MSRA: variants seen among roughly 807,000 people sequenced by gnomAD.
MSRA encodes the protein methionine sulfoxide reductase A.
A neutral mutation model predicts 31.3 loss-of-function variants in MSRA; 54 were observed. The ratio of observed to expected loss-of-function variants is 1.73; its 90% CI spans 1.39 to 2.17. The LOEUF (loss-of-function observed/expected upper bound fraction) is 2.17, where lower values mean the gene tolerates loss of function less well. Among genes scored for constraint, MSRA ranks in the 30% most tolerant of loss-of-function variants. The pLI is 0.00. For missense variants in MSRA, 507 were observed against 300.9 expected (o/e 1.69, Z -5.07); for synonymous variants, 169 against 116.5 (o/e 1.45, Z -2.90).
intron 1 of MSRA, among the ~76,000 whole-genome samples, chr8:10,104,523 TA>T (rs1563099627): frequency 6.6e-6 from 1 of 152,098 alleles, no homozygotes; most frequent in East Asian, 1.9e-4. Flanking sequence ...TAGGTAGATA[TA>T]AAAATTTTGA....
chr8:10,188,793 C>A (rs188064125), intron 1 of MSRA, among the ~76,000 whole-genome samples: 1 of 152,276 alleles, frequency 6.6e-6, no homozygotes, highest in East Asian at 1.9e-4. Flanking sequence ...TACAGTAAGT[C>A]CTGAAATCAG....
intron 1 of MSRA, among the ~76,000 whole-genome samples, chr8:10,192,644 A>T (rs1461237872): frequency 6.6e-6 from 1 of 152,238 alleles, no homozygotes; most frequent in Non-Finnish European, 1.5e-5. Flanking sequence ...TTAAGCAAGG[A>T]TGGGAAATGT....
At chr8:10,222,623 G>A (rs1009880452) in intron 2 of MSRA, among the ~76,000 whole-genome samples, 3 of 152,016 alleles carry the variant, frequency 2.0e-5, no homozygotes, top group African/African-American at 4.8e-5. Context: ...TAAAACCTGC[G>A]GTATATATAC....
intron 5 of MSRA, among the ~76,000 whole-genome samples, chr8:10,351,479 C>G (rs991797405): frequency 2.0e-5 from 3 of 152,112 alleles, no homozygotes; most frequent in African/African-American, 7.2e-5. Flanking sequence ...GTCTCGGTCT[C>G]TTGACCTCAT....
In MSRA at chr8:10,061,078, C is replaced by T. The variant is rs576345412; in HGVS notation, c.142+6420C>T. Among the ~76,000 whole-genome samples, 10 of 152,280 alleles carry T rather than the reference C, an allele frequency of 6.6e-5. No individual in the cohort carries two copies. In the South Asian group the frequency reaches 1.4e-3, roughly 22 times the overall value. On this transcript the variant is annotated intron_variant, in intron 1 of 5. Coordinates refer to ENST00000317173, the MANE Select transcript of MSRA (RefSeq NM_012331.5). ...TTTGATTTTACAACCTGTTCCAGAA[C>T]GTTTAGTGTTTCCCTGAAGTCCCTG... is the stretch of plus-strand genomic sequence containing the variant.
chr8:10,325,363 T>A (rs1024168636), intron 5 of MSRA, among the ~76,000 whole-genome samples: 15 of 151,976 alleles, frequency 9.9e-5, no homozygotes, highest in African/African-American at 3.6e-4. Context: ...TATAGCTATA[T>A]AATAATAATA....
intron 4 of MSRA, among the ~76,000 whole-genome samples, chr8:10,316,527 C>CCCTCTCT (rs1171484461): frequency 8.9e-6 from 1 of 112,548 alleles, no homozygotes; most frequent in African/African-American, 3.1e-5. Flanking sequence ...TTTGATGATC[C>CCCTCTCT]CTCTCTCTCT....
intron 1 of MSRA, among the ~76,000 whole-genome samples, chr8:10,059,641 T>A (rs1346076021): frequency 6.6e-6 from 1 of 152,178 alleles, no homozygotes; most frequent in Non-Finnish European, 1.5e-5. Context: ...AAAAGACTGA[T>A]AAATTAGATC....
intron 5 of MSRA, among the ~76,000 whole-genome samples, chr8:10,402,855 C>T (rs1327458176): frequency 6.6e-6 from 1 of 152,168 alleles, no homozygotes; most frequent in Non-Finnish European, 1.5e-5. Context: ...TGTATTTTCC[C>T]TGTACTGAAG....
chr8:10,076,919 GA>G (rs1022659030), intron 1 of MSRA, among the ~76,000 whole-genome samples: 11 of 150,092 alleles, frequency 7.3e-5, no homozygotes, highest in East Asian at 3.9e-4. Context: ...GAGAACATTA[GA>G]AAAAAAAAGC....
Position 10,342,476 on chromosome 8 carries a change from C to T in MSRA, c.543+22487C>T, listed in dbSNP as rs1258770454. Among the ~76,000 whole-genome samples, 6 of 152,190 alleles carry T rather than the reference C, an allele frequency of 3.9e-5. No individual in the cohort carries two copies. The East Asian group carries it at 1.2e-3, about 29-fold the overall frequency. Reference sequence around the variant, plus strand: ...AGCATGATGATAAGAATAATTTTGACCTTGTGGATCCTGGAAAAGATTCTG... The same window carrying T: ...AGCATGATGATAAGAATAATTTTGATCTTGTGGATCCTGGAAAAGATTCTG... On this transcript the variant is annotated intron_variant, in intron 5 of 5. Coordinates refer to ENST00000317173, the MANE Select transcript of MSRA (RefSeq NM_012331.5).
intron 2 of MSRA, among the ~76,000 whole-genome samples, chr8:10,237,230 G>C (rs1563253642): frequency 6.6e-6 from 1 of 152,212 alleles, no homozygotes; most frequent in Non-Finnish European, 1.5e-5. Flanking sequence ...ATAAAAACTT[G>C]GTGTGGGGGT....
intron 1 of MSRA, among the ~76,000 whole-genome samples, chr8:10,126,622 C>T (rs956886095): frequency 3.9e-5 from 6 of 152,166 alleles, no homozygotes; most frequent in Non-Finnish European, 8.8e-5. Context: ...AAGCAATTCT[C>T]GTGCCTCAGC....
intron 1 of MSRA, among the ~76,000 whole-genome samples, chr8:10,184,699 T>C (rs1287003925): frequency 6.6e-6 from 1 of 152,186 alleles, no homozygotes; most frequent in Non-Finnish European, 1.5e-5. Context: ...TAACAACTTG[T>C]GTAGACAGGT....
rs1044819144 is a variant in MSRA at position 10,344,246 on chromosome 8, G to A, written c.543+24257G>A. Among the ~76,000 whole-genome samples, 8 of 152,222 alleles carry A rather than the reference G, an allele frequency of 5.3e-5. No homozygotes were observed. The East Asian group carries it at 5.8e-4, about 11-fold the overall frequency. The stretch of plus-strand genomic sequence containing the variant: ...TGGTCTTCCTTCACCCCATCTGTAC[G>A]GTGATCTCTCAGCAGCTGTTCACCT... On this transcript the variant is annotated intron_variant, in intron 5 of 5. Coordinates refer to ENST00000317173, the MANE Select transcript of MSRA (RefSeq NM_012331.5).
intron 5 of MSRA, among the ~76,000 whole-genome samples, chr8:10,384,692 C>G (rs1273537244): frequency 6.6e-6 from 1 of 152,076 alleles, no homozygotes; most frequent in Non-Finnish European, 1.5e-5. Flanking sequence ...AGATTGGAGT[C>G]CTATTTGGAG....
At chr8:10,281,082 G>A (rs560252138) in intron 3 of MSRA, among the ~76,000 whole-genome samples, 11 of 152,168 alleles carry the variant, frequency 7.2e-5, no homozygotes, top group Non-Finnish European at 1.5e-4. Flanking sequence ...AATTGATTGT[G>A]GTAATGATTA....
chr8:10,261,898 G>C (rs1798505199), intron 3 of MSRA, among the ~76,000 whole-genome samples: 2 of 152,170 alleles, frequency 1.3e-5, no homozygotes, highest in Non-Finnish European at 1.5e-5. Context: ...GCAATCACTA[G>C]CTTTTTACCT....
At chr8:10,114,960 T>C (rs1437873914) in intron 1 of MSRA, among the ~76,000 whole-genome samples, 1 of 152,166 alleles carries the variant, frequency 6.6e-6, no homozygotes, top group African/African-American at 2.4e-5. Flanking sequence ...ACAATAACAA[T>C]GATAGGGACT....
Sources: gnomAD v4.1 joint callset for allele counts (sites outside exome capture counted in the v4.1 genomes callset) on GRCh38, gnomAD v4.1.1 for gene constraint, MANE v1.5 for transcripts, NCBI Gene and HGNC (gene_info 2026-07-23, HGNC 2026-07-21) for gene names.